The following EHD2 variants were observed in gnomAD, a reference collection of about 807,000 sequenced individuals.
The protein encoded by EHD2 is EH domain containing 2.
Under a neutral mutation model 41.0 loss-of-function variants are expected in EHD2, and 27 were observed. The ratio of observed to expected loss-of-function variants is 0.66; its 90% CI spans 0.49 to 0.91. The LOEUF (loss-of-function observed/expected upper bound fraction) is 0.91. Among genes scored for constraint, EHD2 ranks in the 40% least tolerant of loss-of-function variants. The probability of loss-of-function intolerance (pLI) is 0.00; values close to 1 mark genes in which losing one functional copy is unlikely to be tolerated. For missense variants in EHD2, 673 were observed against 773.9 expected, an observed-to-expected ratio of 0.87 and a Z score of 1.55; for synonymous variants, 342 against 341.0, an observed-to-expected ratio of 1.00 and a Z score of -0.03.
chr19:47,715,698 G>A (rs967992628), intron 1 of EHD2, among the ~76,000 whole-genome samples: 21 of 152,100 alleles, frequency 1.4e-4, no homozygotes, highest in African/African-American at 5.1e-4. Flanking sequence ...TCCATCTCTT[G>A]GTCTTCCACT....
chr19:47,733,215 C>T (rs1255262158), intron 4 of EHD2: 1 of 151,400 alleles, frequency 6.6e-6, no homozygotes, highest in East Asian at 1.9e-4. Context: ...AGGGAACAGA[C>T]AAGTTTCCAG....
At chr19:47,740,475 C>T (rs1966974000) in intron 5 of EHD2, among the ~76,000 whole-genome samples, 1 of 151,614 alleles carries the variant, frequency 6.6e-6, no homozygotes. Context: ...AATGGCTGGG[C>T]GCGGTGGCTC....
chr19:47,715,038 CAAATAAATAAATAAATAAAT>C (rs60976490), intron 1 of EHD2, among the ~76,000 whole-genome samples: 12 of 138,940 alleles, frequency 8.6e-5, no homozygotes, highest in Non-Finnish European at 1.4e-4. Context: ...ACTCCATCTC[CAAATAAATAAATAAATAAAT>C]AAATAAATAA....
chr19:47,741,030 G>T lies in EHD2; in HGVS notation c.1230G>T (p.Gln410His). 6.2e-7 allele frequency: 1 copy of T among 1,609,900 alleles called. No individual in the cohort carries two copies. Among genetic ancestry groups the T allele is most frequent in the South Asian group, 1.1e-5 (1 of 91,064 alleles). ...EELESTEVGV[Q>H]GGAFEGTHMG... ...TGGAGAGCACCGAGGTGGGCGTGCA[G>T]GGGGGCGCTTTTGAGGGCACCCACA... The change falls in exon 6 of 6, where the codon CAG becomes CAT. Residue 410 changes from glutamine to histidine, a missense_variant. Coordinates refer to ENST00000263277, the MANE Select transcript of EHD2 (RefSeq NM_014601.4). The surrounding 1 kb of genome is among the most constrained non-coding windows in gnomAD (Gnocchi z 4.5).
intron 3 of EHD2, among the ~76,000 whole-genome samples, chr19:47,721,289 T>A (rs1973694003): frequency 6.6e-6 from 1 of 152,062 alleles, no homozygotes; most frequent in Admixed American, 6.6e-5. Context: ...AAATCTGGGC[T>A]CTGCTACTTT....
rs34140460 is a variant in EHD2, at chr19:47,716,781, G to A, written c.169G>A (p.Gly57Ser). 361 of 1,612,250 alleles carry A rather than the reference G, an allele frequency of 2.2e-4. No homozygotes were observed. The African/African-American group carries it at 3.8e-3, about 17-fold the overall frequency. Residue 57 changes from glycine (G) to serine (S), a missense_variant, in exon 2 of 6, where the codon GGC (glycine) becomes AGC (serine). Coordinates refer to ENST00000263277, the MANE Select transcript of EHD2 (RefSeq NM_014601.4). ...GGCCCTGGAGGACGCAGACTTCGAC[G>A]GCAAGCCCATGGTGCTGGTGGCCGG... Reference protein sequence around the residue: ...SPALEDADFDGKPMVLVAGQY... With the variant: ...SPALEDADFDSKPMVLVAGQY...
In EHD2 at chr19:47,726,104, C is replaced by G. The variant is rs755769922; in HGVS notation, c.795C>G (p.Pro265=). 1.0e-5 allele frequency: 16 copies of G among 1,573,358 alleles called. No individual in the cohort carries two copies. Among genetic ancestry groups the G allele is most frequent in the Non-Finnish European group, 1.4e-5 (16 of 1,160,590 alleles). The change falls in exon 4 of 6, where the codon CCC becomes CCG. Residue 265 remains proline (P), a synonymous_variant. Transcript: ENST00000263277. ...TCTGGTCCCAGCCCCTCCTCGTGCCCGACAACCGGCGCCTCTTCGAGCTGG... is the reference window on the plus strand; with the variant it reads ...TCTGGTCCCAGCCCCTCCTCGTGCCGGACAACCGGCGCCTCTTCGAGCTGG... ...GSFWSQPLLV[P]DNRRLFELEE...
chr19:47,713,604 T>C, intron 1 of EHD2, 66 bp downstream of exon 1: 1 of 152,614 alleles, frequency 6.6e-6, no homozygotes, highest in Non-Finnish European at 1.5e-5. Context: ...TGGTTCCTCA[T>C]GCCTGACCCC....
In EHD2 at chr19:47,719,751, G is replaced by C. The variant is rs1599888091; in HGVS notation, c.502+1145G>C. Among the ~76,000 whole-genome samples, 1 of 151,892 alleles carries C rather than the reference G, an allele frequency of 6.6e-6. No individual in the cohort carries two copies. The highest frequency in any genetic ancestry group is 1.9e-4 in the East Asian group (1 of 5,168). On this transcript the variant is annotated intron_variant, in intron 3 of 5. Transcript: ENST00000263277. The surrounding 1 kb of genome is among the most constrained non-coding windows in gnomAD (Gnocchi z 4.1). ...GGAGGACACGCTGCCAGCTGAGGGGGAGGAATTCCTGGGGCTCCCACCCCA... is the reference window on the plus strand; with the variant it reads ...GGAGGACACGCTGCCAGCTGAGGGGCAGGAATTCCTGGGGCTCCCACCCCA...
At chr19:47,720,970 G>A (rs1179241484) in intron 3 of EHD2, among the ~76,000 whole-genome samples, 1 of 152,032 alleles carries the variant, frequency 6.6e-6, no homozygotes, top group Non-Finnish European at 1.5e-5. Context: ...CTGTGTGGGT[G>A]TGCATGCATG....
At chr19:47,718,749 G>A (rs1189887648) in intron 3 of EHD2, 143 bp downstream of exon 3, 1 of 688,818 alleles carries the variant, frequency 1.5e-6, no homozygotes, top group African/African-American at 2.3e-5. Context: ...TGAGGGAGGA[G>A]GGGCTGGGGT....
At chr19:47,721,164 G>GGGGTGT (rs911149629) in intron 3 of EHD2, among the ~76,000 whole-genome samples, 2 of 57,162 alleles carry the variant, frequency 3.5e-5, no homozygotes, top group South Asian at 4.1e-4. Flanking sequence ...TGCTACTGGG[G>GGGGTGT]GTGTGTGTGT....
intron 4 of EHD2, chr19:47,732,010 A>G (rs1292569046): frequency 2.0e-5 from 3 of 151,538 alleles, no homozygotes; most frequent in African/African-American, 7.3e-5. Context: ...GATGGTCTCG[A>G]TCTCCTGACC....
Position 47,716,865 on chromosome 19 carries a change from G to A in EHD2, c.253G>A (p.Gly85Ser), listed in dbSNP as rs772788750. 1.1e-5 allele frequency: 17 copies of A among 1,611,430 alleles called. No individual in the cohort carries two copies. Among genetic ancestry groups the A allele is most frequent in the South Asian group, 2.2e-5 (2 of 90,828 alleles). The part of the protein sequence containing the change: ...IQYLLEQEVP[G>S]SRVGPEPTTD... ...GTACCTGCTGGAGCAGGAGGTGCCC[G>A]GCTCCCGCGTGGGGCCTGAGCCCAC... Residue 85 changes from glycine (G) to serine (S), a missense_variant, in exon 2 of 6, where the codon GGC becomes AGC. Physicochemically the swap from Gly to Ser is moderately conservative, Grantham distance 56. Transcript: ENST00000263277.
intron 4 of EHD2, chr19:47,733,097 A>AT (rs1338828616): frequency 1.3e-5 from 2 of 151,748 alleles, no homozygotes; most frequent in Non-Finnish European, 2.9e-5. Context: ...AAAAAATAAA[A>AT]AATAAAAAAT....
chr19:47,740,769 A>T, intron 5 of EHD2, 112 bp from the exon 6 acceptor site: 1 of 1,164,128 alleles, frequency 8.6e-7, no homozygotes, highest in Non-Finnish European at 1.2e-6. Flanking sequence ...CAGTAAAAAA[A>T]CCCCACAACA....
At chr19:47,713,966 C>A (rs896953747) in intron 1 of EHD2, among the ~76,000 whole-genome samples, 11 of 152,010 alleles carry the variant, frequency 7.2e-5, no homozygotes. Context: ...TCTCTCAGGG[C>A]CCTCCCTGCC....
intron 5 of EHD2, 132 bp downstream of exon 5, chr19:47,736,665 C>A (rs374134833): frequency 4.1e-6 from 4 of 982,892 alleles, no homozygotes; most frequent in East Asian, 5.8e-5. Context: ...TCAAATAGTT[C>A]CGTGGGAGCA....
chr19:47,734,195 C>T (rs1226088055), intron 4 of EHD2, among the ~76,000 whole-genome samples: 4 of 152,026 alleles, frequency 2.6e-5, no homozygotes, highest in Middle Eastern at 6.8e-3. Flanking sequence ...AGAGGCTGGG[C>T]GTAGTAGCGG....
Sources: gnomAD v4.1 joint callset for allele counts (sites outside exome capture counted in the v4.1 genomes callset) on GRCh38, gnomAD v4.1.1 for gene constraint, Gnocchi (gnomAD v3.1) non-coding constraint, MANE v1.5 for transcripts, NCBI Gene and HGNC (gene_info 2026-07-23, HGNC 2026-07-21) for gene names.